The following AGBL4 variants were observed in gnomAD, a reference collection of about 807,000 sequenced individuals.
AGBL4 encodes AGBL carboxypeptidase 4.
AGBL4 carries 58 observed loss-of-function variants against 66.4 expected under a neutral mutation model. That is an observed-to-expected ratio of 0.87 (90% confidence interval 0.71 to 1.09). The LOEUF is 1.09. Among genes scored for constraint, AGBL4 ranks in the 50% least tolerant of loss-of-function variants. The pLI is 0.00. For synonymous variants in AGBL4, 234 were observed against 222.9 expected (o/e 1.05, Z -0.44); for missense variants, 579 against 631.0 (o/e 0.92, Z 0.88).
intron 11 of AGBL4, among the ~76,000 whole-genome samples, chr1:48,558,913 C>T (rs1451516481): frequency 6.6e-6 from 1 of 152,168 alleles, no homozygotes; most frequent in African/African-American, 2.4e-5. Context: ...CATCACACCT[C>T]TTAATTTTAC....
chr1:49,596,876 A>T (rs575660288), intron 3 of AGBL4, among the ~76,000 whole-genome samples: 2 of 152,342 alleles, frequency 1.3e-5, no homozygotes, highest in East Asian at 3.9e-4. Context: ...AGAGGAACAG[A>T]GCATAAAGTG....
chr1:49,922,313 TAA>T (rs1421360640), intron 1 of AGBL4, among the ~76,000 whole-genome samples: 1 of 152,088 alleles, frequency 6.6e-6, no homozygotes, highest in African/African-American at 2.4e-5. Context: ...CTCAAAATAA[TAA>T]GAGCCATATA....
chr1:49,818,913 A>T (rs570289242), intron 2 of AGBL4, among the ~76,000 whole-genome samples: 6 of 152,204 alleles, frequency 3.9e-5, no homozygotes, highest in Non-Finnish European at 8.8e-5. Context: ...AACTGCAGGG[A>T]CAAGGAAATG....
At chr1:48,523,009 G>C in the AGBL4 span, among the ~76,000 whole-genome samples, 1 of 152,078 alleles carries the variant, frequency 6.6e-6, no homozygotes, top group Non-Finnish European at 1.5e-5. Flanking sequence ...GGGTCAGTGT[G>C]AGATCATTTT....
At chr1:49,618,265 T>C (rs1372433113) in intron 3 of AGBL4, among the ~76,000 whole-genome samples, 2 of 152,266 alleles carry the variant, frequency 1.3e-5, no homozygotes, top group East Asian at 3.9e-4. Flanking sequence ...TAATGGGCAT[T>C]TGAGTTGGTT....
chr1:48,558,280 A>T (rs1478360893), intron 11 of AGBL4, among the ~76,000 whole-genome samples: 1 of 152,224 alleles, frequency 6.6e-6, no homozygotes, highest in African/African-American at 2.4e-5. Context: ...TTGACAGTGC[A>T]TCAGTGGTTA....
At chr1:48,922,724 AT>A (rs1654191715) in intron 5 of AGBL4, among the ~76,000 whole-genome samples, 1 of 152,218 alleles carries the variant, frequency 6.6e-6, no homozygotes, top group African/African-American at 2.4e-5. Flanking sequence ...ATATACTGTA[AT>A]GTACTTGAGA....
chr1:49,071,962 CTCT>C (rs1320200540), intron 4 of AGBL4, among the ~76,000 whole-genome samples: 1 of 152,078 alleles, frequency 6.6e-6, no homozygotes, highest in African/African-American at 2.4e-5. Context: ...GGATAGTTAG[CTCT>C]TCTTGTTGAA....
At chr1:48,944,631 T>C (rs1382748878) in intron 5 of AGBL4, among the ~76,000 whole-genome samples, 1 of 152,200 alleles carries the variant, frequency 6.6e-6, no homozygotes, top group Non-Finnish European at 1.5e-5. Flanking sequence ...GGCCTCATTC[T>C]GTTATAACAC....
chr1:49,334,308 T>C (rs753972380), intron 3 of AGBL4, among the ~76,000 whole-genome samples: 1 of 152,198 alleles, frequency 6.6e-6, no homozygotes, highest in African/African-American at 2.4e-5. Context: ...TTTTCTACTA[T>C]ATCAAATGAC....
intron 3 of AGBL4, among the ~76,000 whole-genome samples, chr1:49,639,474 A>C (rs2124398013): frequency 6.6e-6 from 1 of 152,282 alleles, no homozygotes; most frequent in African/African-American, 2.4e-5. Context: ...TATTCTTCTT[A>C]TCCTATTTAC....
intron 3 of AGBL4, among the ~76,000 whole-genome samples, chr1:49,315,574 C>T (rs558325434): frequency 2.6e-4 from 39 of 151,668 alleles, no homozygotes; most frequent in Admixed American, 1.5e-3. Context: ...TCAAAAAGTG[C>T]GCAAAGTATA....
At chr1:48,549,159 A>G (rs1644212270) in intron 11 of AGBL4, among the ~76,000 whole-genome samples, 1 of 152,206 alleles carries the variant, frequency 6.6e-6, no homozygotes, top group Non-Finnish European at 1.5e-5. Flanking sequence ...AATTGTGCAG[A>G]GGGATAGGCC....
In AGBL4 at chr1:49,038,024, T is replaced by A. The variant is rs1381918237; in HGVS notation, c.594+7560A>T. On this transcript the variant is annotated intron_variant, in intron 5 of 13. Transcript: ENST00000371839. Reference sequence around the variant, plus strand: ...AAGACAATACTTACATATCTCAGAATTTAAGTGCTACCTTCTAAATGAAAT... The same window carrying A: ...AAGACAATACTTACATATCTCAGAAATTAAGTGCTACCTTCTAAATGAAAT... 3.3e-5 allele frequency among the ~76,000 whole-genome samples: 5 copies of A among 152,084 alleles called. No homozygotes were observed. In the East Asian group the frequency reaches 7.7e-4, roughly 23 times the overall value.
chr1:49,788,463 C>A (rs1159390412), intron 2 of AGBL4, among the ~76,000 whole-genome samples: 1 of 149,610 alleles, frequency 6.7e-6, no homozygotes, highest in African/African-American at 2.5e-5. Flanking sequence ...ACCGAGATGG[C>A]CCAGATTTGG....
intron 1 of AGBL4, among the ~76,000 whole-genome samples, chr1:50,002,661 G>A (rs984514100): frequency 2.6e-5 from 4 of 152,036 alleles, no homozygotes; most frequent in South Asian, 2.1e-4. Context: ...GAGCCACCGC[G>A]CCCGGCCAGC....
chr1:49,371,122 T>C (rs1231139840), intron 3 of AGBL4, among the ~76,000 whole-genome samples: 1 of 152,138 alleles, frequency 6.6e-6, no homozygotes, highest in Non-Finnish European at 1.5e-5. Flanking sequence ...GCCTTCAAAA[T>C]GGAATTACAC....
intron 3 of AGBL4, among the ~76,000 whole-genome samples, chr1:49,543,686 T>G (rs2148827147): frequency 6.6e-6 from 1 of 152,320 alleles, no homozygotes; most frequent in Admixed American, 6.5e-5. Flanking sequence ...ATTGCTAATC[T>G]CCTTCAGGTT....
chr1:48,956,935 A>G (rs2148934341), intron 5 of AGBL4, among the ~76,000 whole-genome samples: 1 of 152,330 alleles, frequency 6.6e-6, no homozygotes, highest in East Asian at 1.9e-4. Context: ...TAAATATTTA[A>G]TTTTTAAATA....
Sources: gnomAD v4.1 joint callset for allele counts (sites outside exome capture counted in the v4.1 genomes callset) on GRCh38, gnomAD v4.1.1 for gene constraint, MANE v1.5 for transcripts, NCBI Gene and HGNC (gene_info 2026-07-23, HGNC 2026-07-21) for gene names.